Variants in PRKCI observed in about 807,000 individuals in gnomAD.
The protein encoded by PRKCI is protein kinase C iota.
PRKCI carries 43 observed loss-of-function variants against 84.0 expected under a neutral mutation model. The observed-to-expected ratio is 0.51, with a 90% CI of 0.40 to 0.66. The LOEUF (loss-of-function observed/expected upper bound fraction) is 0.66. PRKCI is among the 30% of genes least tolerant of loss of function. PRKCI has a pLI of 0.00. For synonymous variants in PRKCI, 216 were observed against 234.4 expected, an observed-to-expected ratio of 0.92 and a Z score of 0.72; for missense variants, 459 against 745.6, an observed-to-expected ratio of 0.62 and a Z score of 4.48.
intron 1 of PRKCI, among the ~76,000 whole-genome samples, chr3:170,235,028 G>A (rs927017426): frequency 2.6e-5 from 4 of 151,788 alleles, no homozygotes; most frequent in Non-Finnish European, 5.9e-5. Context: ...GATCTGCCCA[G>A]CTCAGCCTCC....
At chr3:170,240,344 C>G (rs1436764276) in intron 2 of PRKCI, among the ~76,000 whole-genome samples, 1 of 151,782 alleles carries the variant, frequency 6.6e-6, no homozygotes, top group Non-Finnish European at 1.5e-5. Context: ...AGTAAATTAA[C>G]TTTCTGATGC....
rs1460527377 is a variant in PRKCI at position 170,228,499 on chromosome 3, C to T, written c.101+5729C>T. Among the ~76,000 whole-genome samples the T allele has an allele frequency of 2.6e-5, 4 of 151,742 alleles. No individual in the cohort carries two copies. In the East Asian group the frequency reaches 7.7e-4, roughly 29 times the overall value. ...GCGAGGTGGGAGAATCACCTGAGGC[C>T]AGGAAGTCAAGGCTGCAGTGAGCTG... On this transcript the variant is annotated intron_variant, in intron 1 of 17. Transcript: ENST00000295797.
At chr3:170,272,473 A>G (rs912292031) in intron 6 of PRKCI, among the ~76,000 whole-genome samples, 5 of 152,214 alleles carry the variant, frequency 3.3e-5, no homozygotes, top group Non-Finnish European at 5.9e-5. Flanking sequence ...GGAAAATCCA[A>G]TCTTAAGGAA....
At chr3:170,225,713 A>G (rs1410545195) in intron 1 of PRKCI, among the ~76,000 whole-genome samples, 3 of 151,312 alleles carry the variant, frequency 2.0e-5, no homozygotes, top group Non-Finnish European at 4.4e-5. Context: ...TGGCTCCACT[A>G]CCCTTTTCTA....
intron 2 of PRKCI, among the ~76,000 whole-genome samples, chr3:170,250,442 C>CA (rs538683301): frequency 1.8e-5 from 2 of 109,712 alleles, no homozygotes; most frequent in Admixed American, 9.3e-5. Context: ...ACCCCCCCCC[C>CA]CCAAAAAAAA....
Position 170,291,960 on chromosome 3 carries a change from GTAT to G in PRKCI, c.1291+24_1291+26del. ...GATTATGGTAATAAATAAATTGGTG[GTAT>G]TATTTTAGCTATTGCTAGATGGGTG... On this transcript the variant is annotated intron_variant, in intron 13 of 17. Transcript: ENST00000295797. 1 of 1,539,434 alleles carries G rather than the reference GTAT, an allele frequency of 6.5e-7. No homozygotes were observed. The highest frequency in any genetic ancestry group is 9.0e-7 in the Non-Finnish European group (1 of 1,112,600).
intron 1 of PRKCI, among the ~76,000 whole-genome samples, chr3:170,227,712 G>T (rs1732669279): frequency 6.6e-6 from 1 of 152,206 alleles, no homozygotes; most frequent in East Asian, 1.9e-4. Flanking sequence ...ACAGGGGCTA[G>T]ATTGTAAAGA....
chr3:170,289,518 A>T (rs1311767138), intron 12 of PRKCI, among the ~76,000 whole-genome samples: 1 of 152,172 alleles, frequency 6.6e-6, no homozygotes, highest in Non-Finnish European at 1.5e-5. Flanking sequence ...TCACGCCTGT[A>T]ATCGCAGCAC....
At chr3:170,242,936 G>T (rs1465962993) in intron 2 of PRKCI, among the ~76,000 whole-genome samples, 1 of 151,948 alleles carries the variant, frequency 6.6e-6, no homozygotes, top group Non-Finnish European at 1.5e-5. Flanking sequence ...CTCCCAAAGT[G>T]CTGGGATTAC....
chr3:170,273,039 T>A (rs1734036350), intron 6 of PRKCI, among the ~76,000 whole-genome samples: 1 of 152,206 alleles, frequency 6.6e-6, no homozygotes, highest in Non-Finnish European at 1.5e-5. Flanking sequence ...ATATGGCAGT[T>A]TAATATGATT....
intron 14 of PRKCI, among the ~76,000 whole-genome samples, chr3:170,295,063 T>G (rs1734658056): frequency 1.3e-5 from 2 of 149,828 alleles, no homozygotes; most frequent in Admixed American, 1.3e-4. Context: ...TAAAAAAAAA[T>G]TAGCTGGGCG....
chr3:170,259,409 T>C (rs75311995), intron 2 of PRKCI, among the ~76,000 whole-genome samples: 1,856 of 152,254 alleles, frequency 0.012, 19 homozygotes, highest in Non-Finnish European at 0.019. Context: ...TTTATATCTA[T>C]ATACATTGGT....
intron 3 of PRKCI, among the ~76,000 whole-genome samples, chr3:170,262,690 C>T (rs1307692908): frequency 1.3e-5 from 2 of 152,036 alleles, no homozygotes; most frequent in Admixed American, 1.3e-4. Flanking sequence ...ACCATGTTGG[C>T]CAGGCTGGCA....
rs1733489050 is a variant in PRKCI, at chr3:170,252,842, T to TG, written c.224-7126dup. ...CAAATACTAGATCTTACTCATTCTG[T>TG]GTGAGTATAGTTTTGTACCCACTCT... is the stretch of plus-strand genomic sequence containing the variant. On this transcript the variant is annotated intron_variant, in intron 2 of 17. Transcript: ENST00000295797. Among the ~76,000 whole-genome samples, 3 of 152,182 alleles carry TG rather than the reference T, an allele frequency of 2.0e-5. No homozygotes were observed. The South Asian group carries it at 6.2e-4, about 32-fold the overall frequency.
At chr3:170,300,669 A>G (rs958228279) in intron 17 of PRKCI, among the ~76,000 whole-genome samples, 4 of 149,696 alleles carry the variant, frequency 2.7e-5, no homozygotes, top group African/African-American at 9.8e-5. Context: ...ACTAGTCAAC[A>G]TTGATTGTCT....
At chr3:170,259,646 T>C (rs1733674465) in intron 2 of PRKCI, among the ~76,000 whole-genome samples, 1 of 151,942 alleles carries the variant, frequency 6.6e-6, no homozygotes, top group South Asian at 2.1e-4. Context: ...CTGTCTCTAC[T>C]AATACAAAAA....
chr3:170,270,151 G>A (rs546658913), intron 5 of PRKCI, among the ~76,000 whole-genome samples: 1 of 152,150 alleles, frequency 6.6e-6, no homozygotes, highest in South Asian at 2.1e-4. Context: ...TCATTATTTT[G>A]AACTTGATTA....
chr3:170,224,664 C>T (rs1483747666), intron 1 of PRKCI, among the ~76,000 whole-genome samples: 1 of 152,142 alleles, frequency 6.6e-6, no homozygotes, highest in Non-Finnish European at 1.5e-5. Context: ...GCTGGGATTA[C>T]AGGCATGTGC....
At chr3:170,236,095 T>G (rs1732968211) in intron 2 of PRKCI, among the ~76,000 whole-genome samples, 1 of 121,716 alleles carries the variant, frequency 8.2e-6, no homozygotes, top group Non-Finnish European at 1.7e-5. Context: ...TTCACTTTAT[T>G]TTTTAATTTA....
Sources: allele counts gnomAD v4.1 joint callset (sites outside exome capture counted in the v4.1 genomes callset), GRCh38; gene constraint gnomAD v4.1.1; transcripts MANE v1.5; gene names NCBI Gene and HGNC (gene_info 2026-07-23, HGNC 2026-07-21).